The following ANO10 variants were observed in gnomAD, a reference collection of about 807,000 sequenced individuals.
ANO10 encodes anoctamin-10.
ANO10 carries 77 observed loss-of-function variants against 74.7 expected under a neutral mutation model. The ratio of observed to expected loss-of-function variants is 1.03; its 90% CI spans 0.86 to 1.25. The LOEUF (loss-of-function observed/expected upper bound fraction) is 1.25. ANO10 is among the 50% of genes most tolerant of loss of function. The pLI, the probability that ANO10 is intolerant of heterozygous loss-of-function variation, is 0.00. For missense variants in ANO10, 721 were observed against 778.1 expected, an observed-to-expected ratio of 0.93 and a Z score of 0.87; for synonymous variants, 279 against 284.9, an observed-to-expected ratio of 0.98 and a Z score of 0.21.
chr3:43,383,224 C>G (rs531565615), intron 12 of ANO10, among the ~76,000 whole-genome samples: 3 of 152,050 alleles, frequency 2.0e-5, no homozygotes, highest in Non-Finnish European at 4.4e-5. Context: ...GAGGCCAAGG[C>G]GGGCAGATCA....
At chr3:43,666,867 C>T (rs1409917644) in intron 1 of ANO10, among the ~76,000 whole-genome samples, 3 of 152,050 alleles carry the variant, frequency 2.0e-5, no homozygotes, top group Non-Finnish European at 4.4e-5. Context: ...TCACATTGTA[C>T]ACCTTAAATA....
intron 4 of ANO10, among the ~76,000 whole-genome samples, chr3:43,582,312 C>T (rs774971947): frequency 6.6e-5 from 10 of 151,926 alleles, no homozygotes; most frequent in East Asian, 3.9e-4. Context: ...ATTAGCCGGG[C>T]GTGGTGGCGG....
intron 1 of ANO10, among the ~76,000 whole-genome samples, chr3:43,614,499 T>G (rs1485240201): frequency 6.6e-6 from 1 of 152,032 alleles, no homozygotes; most frequent in Non-Finnish European, 1.5e-5. Context: ...TTTGAAAAGA[T>G]GTCCAGAGTC....
At chr3:43,392,573 C>G (rs1443206364) in intron 12 of ANO10, among the ~76,000 whole-genome samples, 1 of 152,182 alleles carries the variant, frequency 6.6e-6, no homozygotes, top group East Asian at 1.9e-4. Context: ...TGTTTTTAAA[C>G]CATTGCTGCT....
chr3:43,502,164 T>C (rs2077124266), intron 11 of ANO10, among the ~76,000 whole-genome samples: 1 of 152,228 alleles, frequency 6.6e-6, no homozygotes, highest in East Asian at 1.9e-4. Context: ...TCTGGGTATA[T>C]ATCTAAAAGA....
chr3:43,555,534 T>A, intron 9 of ANO10, 65 bp from the exon 10 acceptor site: 1 of 1,505,350 alleles, frequency 6.6e-7, no homozygotes, highest in Non-Finnish European at 9.1e-7. Flanking sequence ...TTTGCAATAC[T>A]AATCAAAGCT....
chr3:43,485,201 G>A (rs2076426838), intron 11 of ANO10: 3 of 690,066 alleles, frequency 4.3e-6, no homozygotes, highest in Non-Finnish European at 7.8e-6. Flanking sequence ...TCAGGTACCG[G>A]TATTGCCGGT....
intron 11 of ANO10, among the ~76,000 whole-genome samples, chr3:43,534,758 G>A (rs2078630137): frequency 6.6e-6 from 1 of 152,194 alleles, no homozygotes; most frequent in Non-Finnish European, 1.5e-5. Context: ...AGCAGGCACT[G>A]CTCCTGCTCA....
intron 12 of ANO10, among the ~76,000 whole-genome samples, chr3:43,400,591 T>C (rs1251217846): frequency 6.6e-6 from 1 of 151,918 alleles, no homozygotes; most frequent in Non-Finnish European, 1.5e-5. Flanking sequence ...CTGGGCAACA[T>C]GGCAAAACTC....
At chr3:43,588,708 G>T (rs1325103264) in intron 4 of ANO10, among the ~76,000 whole-genome samples, 1 of 151,930 alleles carries the variant, frequency 6.6e-6, no homozygotes, top group African/African-American at 2.4e-5. Context: ...ACTAAAATAA[G>T]GCAAGAACCA....
At chr3:43,577,649 A>T (rs2081078033) in intron 5 of ANO10, among the ~76,000 whole-genome samples, 2 of 152,204 alleles carry the variant, frequency 1.3e-5, no homozygotes, top group Non-Finnish European at 2.9e-5. Context: ...TATGCTCCCC[A>T]CTTTTCTCCC....
chr3:43,587,456 C>T (rs1327917590), intron 4 of ANO10, among the ~76,000 whole-genome samples: 1 of 152,170 alleles, frequency 6.6e-6, no homozygotes, highest in Non-Finnish European at 1.5e-5. Context: ...ACTCATCACC[C>T]TCCTTCAGGA....
At chr3:43,550,913 T>C (rs1017272631) in intron 10 of ANO10, among the ~76,000 whole-genome samples, 1 of 152,130 alleles carries the variant, frequency 6.6e-6, no homozygotes, top group Non-Finnish European at 1.5e-5. Context: ...TCCAGACAGT[T>C]TGTATGCAAA....
chr3:43,405,951 A>G (rs775373092), intron 12 of ANO10, among the ~76,000 whole-genome samples: 4 of 152,194 alleles, frequency 2.6e-5, no homozygotes, highest in African/African-American at 9.7e-5. Context: ...TCCAAGTTGC[A>G]TAGTAGTTAA....
Position 43,531,911 on chromosome 3 carries a change from A to AC in ANO10, c.1797+17808_1797+17809insG, listed in dbSNP as rs537091985. ...ACAAGACCCTGTCTCAAAAAAAAAA[A>AC]AACAAAACCCATAGTCATGAAAGAG... On this transcript the variant is annotated intron_variant, in intron 11 of 12. Transcript: ENST00000292246. 7.6e-4 allele frequency among the ~76,000 whole-genome samples: 115 copies of AC among 152,120 alleles called. 1 individual carries two copies. The highest frequency in any genetic ancestry group is 2.7e-3 in the African/African-American group (111 of 41,498).
intron 11 of ANO10, among the ~76,000 whole-genome samples, chr3:43,470,288 A>C (rs1169041619): frequency 6.6e-6 from 1 of 152,238 alleles, no homozygotes; most frequent in East Asian, 1.9e-4. Context: ...CTATAGAGAC[A>C]GTGAAAAGAT....
At chr3:43,468,599 G>C (rs2075723840) in intron 11 of ANO10, among the ~76,000 whole-genome samples, 1 of 152,112 alleles carries the variant, frequency 6.6e-6, no homozygotes, top group South Asian at 2.1e-4. Flanking sequence ...TGTTTCACCT[G>C]TTTTCATGAA....
intron 1 of ANO10, among the ~76,000 whole-genome samples, chr3:43,656,110 A>G (rs1329475677): frequency 6.6e-6 from 1 of 151,506 alleles, no homozygotes; most frequent in Non-Finnish European, 1.5e-5. Context: ...ACCTTGAGCT[A>G]GATACAGAAT....
intron 4 of ANO10, among the ~76,000 whole-genome samples, chr3:43,580,797 A>T (rs922962895): frequency 3.3e-5 from 5 of 152,170 alleles, no homozygotes; most frequent in African/African-American, 9.7e-5. Flanking sequence ...CAGACATAAA[A>T]ATATATCCAT....
Sources: gnomAD v4.1 joint callset for allele counts (sites outside exome capture counted in the v4.1 genomes callset) on GRCh38, gnomAD v4.1.1 for gene constraint, MANE v1.5 for transcripts, NCBI Gene and HGNC (gene_info 2026-07-23, HGNC 2026-07-21) for gene names.